The following PNPLA7 variants were observed in gnomAD, a reference collection of about 807,000 sequenced individuals.
PNPLA7 encodes patatin like domain 7, lysophospholipase, also known as patatin-like phospholipase domain-containing protein 7.
A neutral mutation model predicts 161.7 loss-of-function variants in PNPLA7; 153 were observed. That is an observed-to-expected ratio of 0.95 (90% CI 0.83 to 1.08). The LOEUF (loss-of-function observed/expected upper bound fraction) is 1.08, where lower values mean the gene tolerates loss of function less well. Among genes scored for constraint, PNPLA7 ranks in the 50% least tolerant of loss-of-function variants. The pLI, the probability that PNPLA7 is intolerant of heterozygous loss-of-function variation, is 0.00. For missense variants in PNPLA7, 1,739 were observed against 1,856.6 expected (o/e 0.94, Z 1.16); for synonymous variants, 809 against 782.1 (o/e 1.03, Z -0.57).
intron 26 of PNPLA7, among the ~76,000 whole-genome samples, chr9:137,466,313 C>T (rs1035170814): frequency 1.3e-5 from 2 of 152,112 alleles, no homozygotes; most frequent in African/African-American, 2.4e-5. Flanking sequence ...ATCTCAGACC[C>T]GGGCACGGAT....
intron 25 of PNPLA7, among the ~76,000 whole-genome samples, chr9:137,475,581 A>G (rs9410047): frequency 0.03 from 4,592 of 152,044 alleles, 110 homozygotes; most frequent in Non-Finnish European, 0.046. Context: ...TCACCATGTT[A>G]GCCAGGCTGC....
intron 18 of PNPLA7, 44 bp downstream of exon 18, chr9:137,497,143 G>C (rs1198741893): frequency 6.7e-7 from 1 of 1,484,638 alleles, no homozygotes. Context: ...TGCTCTGGGA[G>C]GGATGCAGAG....
At chr9:137,519,835 A>G (rs1588668656) in intron 11 of PNPLA7, 82 bp downstream of exon 11, 1 of 1,530,536 alleles carries the variant, frequency 6.5e-7, no homozygotes, top group East Asian at 2.3e-5. Context: ...GTGCAAGATG[A>G]CCTGGGGTGA....
chr9:137,491,713 C>T (rs1036363873), intron 20 of PNPLA7: 73 of 985,306 alleles, frequency 7.4e-5, no homozygotes, highest in Non-Finnish European at 8.6e-5. Context: ...TCTGTGTGGC[C>T]CTCTGTGCAT....
chr9:137,518,177 A>G (rs1396178526), intron 11 of PNPLA7, among the ~76,000 whole-genome samples: 2 of 66,316 alleles, frequency 3.0e-5, no homozygotes, highest in Non-Finnish European at 5.7e-5. Context: ...CACTCTGTCC[A>G]CTCCATCCCC....
In PNPLA7 at chr9:137,462,279, C is replaced by T. The variant is rs1389349396; in HGVS notation, c.3545G>A (p.Arg1182Gln). ...QTRLAYVCCVRQLEVVKSSDY... is the reference protein window; with the variant it reads ...QTRLAYVCCVQQLEVVKSSDY... ...ACTGCTCTTCACCACCTCCAGCTGC[C>T]GCACGCAACACACGTAGGCCAGGCG... is the stretch of plus-strand genomic sequence containing the variant. Residue 1182 changes from arginine to glutamine, a missense_variant, in exon 31 of 35, where the codon CGG becomes CAG. Arg to Gln is a conservative substitution (Grantham distance 43). Around this residue, in one of 6 missense-constraint regions of PNPLA7, gnomAD observed 703 missense variants for 694.6 expected, o/e 1.01. Coordinates refer to ENST00000406427, the MANE Select transcript of PNPLA7 (RefSeq NM_001098537.3). 9 of 1,611,940 alleles carry T rather than the reference C, an allele frequency of 5.6e-6. No homozygotes were observed. The African/African-American group carries it at 6.7e-5, about 12-fold the overall frequency.
At chr9:137,463,345 G>A in intron 29 of PNPLA7, 70 bp downstream of exon 29, 5 of 1,356,286 alleles carry the variant, frequency 3.7e-6, no homozygotes, top group Non-Finnish European at 5.1e-6. Flanking sequence ...GGCAGCTGTG[G>A]CAGGGGCCGT....
At chr9:137,549,699 T>C (rs1421793627) in intron 1 of PNPLA7, among the ~76,000 whole-genome samples, 1 of 151,270 alleles carries the variant, frequency 6.6e-6, no homozygotes, top group African/African-American at 2.4e-5. Flanking sequence ...GAGGCAGAAT[T>C]GCCTGAACCC....
At chr9:137,465,070 G>A (rs571636344) in intron 26 of PNPLA7, among the ~76,000 whole-genome samples, 2 of 152,328 alleles carry the variant, frequency 1.3e-5, no homozygotes, top group Admixed American at 1.3e-4. Flanking sequence ...TGGATGGAGA[G>A]GAAGGGTCTT....
intron 11 of PNPLA7, chr9:137,516,695 G>A (rs984873038): frequency 2.5e-5 from 5 of 199,130 alleles, no homozygotes; most frequent in Admixed American, 6.5e-5. Flanking sequence ...GCATGCGCCT[G>A]TGGACCAAGC....
chr9:137,507,227 C>A (rs1293378270), intron 12 of PNPLA7, among the ~76,000 whole-genome samples: 1 of 152,236 alleles, frequency 6.6e-6, no homozygotes, highest in African/African-American at 2.4e-5. Flanking sequence ...AAAATCCGAA[C>A]TGGAAAGCAA....
chr9:137,544,890 C>T (rs1048566670), intron 4 of PNPLA7, among the ~76,000 whole-genome samples: 7 of 152,300 alleles, frequency 4.6e-5, no homozygotes, highest in South Asian at 2.1e-4. Flanking sequence ...CCTCATGATC[C>T]GCCCACCTCA....
At chr9:137,544,573 T>C (rs542146475) in intron 4 of PNPLA7, among the ~76,000 whole-genome samples, 1 of 152,226 alleles carries the variant, frequency 6.6e-6, no homozygotes. Flanking sequence ...TTAATGCGGA[T>C]GAGAACAGAT....
intron 11 of PNPLA7, chr9:137,516,681 G>T: frequency 4.1e-6 from 1 of 244,674 alleles, no homozygotes; most frequent in Non-Finnish European, 6.5e-6. Context: ...AGCTGGGCCT[G>T]GTGGCATGCG....
At chr9:137,464,745 G>C in intron 26 of PNPLA7, 1 of 435,996 alleles carries the variant, frequency 2.3e-6, no homozygotes, top group South Asian at 2.4e-5. Flanking sequence ...CCCCATGCCT[G>C]GGGCCTCCTC....
rs549280660 is a variant in PNPLA7 at position 137,461,154 on chromosome 9, A to G, written c.3841+382T>C. 226 of 327,736 alleles carry G rather than the reference A, an allele frequency of 6.9e-4. 1 individual carries two copies. The highest frequency in any genetic ancestry group is 4.1e-3 in the African/African-American group (198 of 48,076). The allele number at this position is 327,736 out of a possible 1,614,324, so 20.3% of individuals were successfully genotyped here. On this transcript the variant is annotated intron_variant, in intron 33 of 34. Transcript: ENST00000406427. Reference sequence around the variant, plus strand: ...GGCCACTGGCTGAAGGCCCAAGCGCAGGGCCCTGGATGGAGCATGGAGGGT... The same window carrying G: ...GGCCACTGGCTGAAGGCCCAAGCGCGGGGCCCTGGATGGAGCATGGAGGGT...
intron 20 of PNPLA7, chr9:137,491,476 G>A (rs1203074686): frequency 1.0e-6 from 1 of 980,408 alleles, no homozygotes; most frequent in East Asian, 1.1e-4. Context: ...AACTCACGGT[G>A]CCGGTAAGTG....
At chr9:137,480,600 C>T in intron 22 of PNPLA7, 120 bp from the exon 23 acceptor site, 1 of 1,141,088 alleles carries the variant, frequency 8.8e-7, no homozygotes, top group Non-Finnish European at 1.2e-6. Flanking sequence ...CCCTCCCTGC[C>T]CAGCACTTCC....
intron 23 of PNPLA7, chr9:137,479,669 G>C (rs988897044): frequency 5.1e-6 from 5 of 985,342 alleles, no homozygotes; most frequent in African/African-American, 1.7e-5. Flanking sequence ...GAGCAGAGGA[G>C]GGAGACGGGA....
Sources: allele counts gnomAD v4.1 joint callset (sites outside exome capture counted in the v4.1 genomes callset), GRCh38; gene constraint gnomAD v4.1.1; regional missense constraint gnomAD v4.1.1; transcripts MANE v1.5; gene names NCBI Gene and HGNC (gene_info 2026-07-23, HGNC 2026-07-21).